The following PXDNL variants were observed in gnomAD, a reference collection of about 807,000 sequenced individuals.
PXDNL encodes peroxidasin like.
In PXDNL, 145 loss-of-function variants were observed where a neutral mutation model predicts 150.8. The ratio of observed to expected loss-of-function variants is 0.96; its 90% CI spans 0.84 to 1.10. PXDNL has a LOEUF of 1.10. Among genes scored for constraint, PXDNL ranks in the 50% least tolerant of loss-of-function variants. PXDNL has a pLI of 0.00. For missense variants in PXDNL, 2,087 were observed against 1,873.9 expected (o/e 1.11, Z -2.10); for synonymous variants, 757 against 725.7 (o/e 1.04, Z -0.69).
chr8:51,735,678 C>G (rs1483438870), intron 1 of PXDNL, among the ~76,000 whole-genome samples: 1 of 145,494 alleles, frequency 6.9e-6, no homozygotes, highest in Non-Finnish European at 1.5e-5. Context: ...TCCCAAGTAG[C>G]TGGGACTACA....
chr8:51,501,008 T>C (rs888004522), intron 4 of PXDNL, among the ~76,000 whole-genome samples: 7 of 152,198 alleles, frequency 4.6e-5, no homozygotes, highest in Non-Finnish European at 1.0e-4. Flanking sequence ...TGAAAAAGTA[T>C]AATAATCACA....
chr8:51,723,717 G>A (rs919564671), intron 1 of PXDNL, among the ~76,000 whole-genome samples: 11 of 152,156 alleles, frequency 7.2e-5, no homozygotes, highest in Non-Finnish European at 1.5e-4. Context: ...CCAGCAGGTC[G>A]ACAAAGTTCC....
chr8:51,746,717 T>C (rs772698130), intron 1 of PXDNL, among the ~76,000 whole-genome samples: 1 of 152,126 alleles, frequency 6.6e-6, no homozygotes, highest in Non-Finnish European at 1.5e-5. Flanking sequence ...GAAGAAAATG[T>C]TTTTGTTGTT....
chr8:51,410,042 TTTTG>T (rs745692421), intron 16 of PXDNL, among the ~76,000 whole-genome samples: 3 of 152,340 alleles, frequency 2.0e-5, no homozygotes, highest in Admixed American at 1.3e-4. Context: ...TTTTGTTGAT[TTTTG>T]TTTGTTTCAT....
chr8:51,539,615 C>T (rs59175915), intron 4 of PXDNL, among the ~76,000 whole-genome samples: 7,932 of 151,994 alleles, frequency 0.052, 499 homozygotes, highest in African/African-American at 0.15. Context: ...ATTGGAAAAG[C>T]TTTAACTTCA....
At chr8:51,505,028 A>G (rs1285727581) in intron 4 of PXDNL, among the ~76,000 whole-genome samples, 1 of 152,240 alleles carries the variant, frequency 6.6e-6, no homozygotes, top group African/African-American at 2.4e-5. Flanking sequence ...AAAACTTTGT[A>G]GAATCCTTGA....
chr8:51,677,093 T>C (rs1815641512), intron 1 of PXDNL, among the ~76,000 whole-genome samples: 1 of 152,218 alleles, frequency 6.6e-6, no homozygotes. Flanking sequence ...ATTTAGAAGA[T>C]GAAAGCCTAC....
chr8:51,570,336 C>G (rs1327606292), intron 3 of PXDNL, among the ~76,000 whole-genome samples: 1 of 151,800 alleles, frequency 6.6e-6, no homozygotes, highest in African/African-American at 2.4e-5. Flanking sequence ...GAACTAGGCT[C>G]TTGGCGAAAT....
chr8:51,618,211 G>T (rs1056708525), intron 2 of PXDNL, among the ~76,000 whole-genome samples: 7 of 152,254 alleles, frequency 4.6e-5, no homozygotes, highest in Non-Finnish European at 1.0e-4. Context: ...CCAGAGCAGA[G>T]AATGGGACAG....
chr8:51,555,247 T>C (rs1460911195), intron 4 of PXDNL, among the ~76,000 whole-genome samples: 5 of 152,290 alleles, frequency 3.3e-5, no homozygotes, highest in East Asian at 3.9e-4. Flanking sequence ...ACCAAGTTTG[T>C]CCTTTTATAA....
intron 1 of PXDNL, among the ~76,000 whole-genome samples, chr8:51,678,797 G>A (rs1005269464): frequency 3.9e-5 from 6 of 152,036 alleles, no homozygotes; most frequent in African/African-American, 2.4e-5. Flanking sequence ...CAGCACACCA[G>A]CATGGCACAT....
intron 3 of PXDNL, among the ~76,000 whole-genome samples, chr8:51,589,094 T>C (rs555117906): frequency 6.8e-6 from 1 of 147,856 alleles, no homozygotes; most frequent in East Asian, 1.9e-4. Context: ...CTCTCTGTCT[T>C]GTGTGTTTGT....
At chr8:51,572,981 G>A (rs1812978846) in intron 3 of PXDNL, among the ~76,000 whole-genome samples, 1 of 151,792 alleles carries the variant, frequency 6.6e-6, no homozygotes, top group South Asian at 2.1e-4. Flanking sequence ...TAATTTTCTA[G>A]GTTTTCTTTT....
intron 2 of PXDNL, among the ~76,000 whole-genome samples, chr8:51,632,606 A>C (rs1262077546): frequency 6.6e-6 from 1 of 152,186 alleles, no homozygotes. Flanking sequence ...TCAATCAATC[A>C]ATCAATAAAG....
At chr8:51,618,825 T>C (rs1374606884) in intron 2 of PXDNL, among the ~76,000 whole-genome samples, 2 of 152,186 alleles carry the variant, frequency 1.3e-5, no homozygotes, top group Non-Finnish European at 1.5e-5. Flanking sequence ...TTGTTCTGAG[T>C]GGTGCCCAGT....
At chr8:51,482,035 C>T (rs1810616971) in intron 6 of PXDNL, among the ~76,000 whole-genome samples, 1 of 152,146 alleles carries the variant, frequency 6.6e-6, no homozygotes, top group Non-Finnish European at 1.5e-5. Flanking sequence ...CTCCAGATCC[C>T]GGAATGGTAG....
At chr8:51,376,849 G>C (rs1807329743) in intron 17 of PXDNL, among the ~76,000 whole-genome samples, 1 of 151,620 alleles carries the variant, frequency 6.6e-6, no homozygotes, top group South Asian at 2.1e-4. Flanking sequence ...CTCCCGAGTA[G>C]CTGGGACTAC....
chr8:51,727,717 G>A (rs977838876), intron 1 of PXDNL, among the ~76,000 whole-genome samples: 3 of 152,176 alleles, frequency 2.0e-5, no homozygotes. Context: ...CAGGTTAGCT[G>A]TGGAACTAGG....
At chr8:51,471,832 G>A (rs4100063) in intron 8 of PXDNL, among the ~76,000 whole-genome samples, 31,110 of 151,492 alleles carry the variant, frequency 0.21, 4,267 homozygotes, top group African/African-American at 0.39. Context: ...GACTACAGGC[G>A]CTCACCACCA....
Sources: gnomAD v4.1 joint callset for allele counts (sites outside exome capture counted in the v4.1 genomes callset) on GRCh38, gnomAD v4.1.1 for gene constraint, MANE v1.5 for transcripts, NCBI Gene and HGNC (gene_info 2026-07-23, HGNC 2026-07-21) for gene names.